The following EFCAB8 variants were observed in gnomAD, a reference collection of about 807,000 sequenced individuals.
The protein encoded by EFCAB8 is EF-hand calcium-binding domain-containing protein 8.
Under a neutral mutation model 116.3 loss-of-function variants are expected in EFCAB8, and 100 were observed. The observed-to-expected ratio is 0.86, with a 90% confidence interval of 0.73 to 1.02. EFCAB8 has a LOEUF of 1.02. Among genes scored for constraint, EFCAB8 ranks in the 50% least tolerant of loss-of-function variants. The pLI, the probability that EFCAB8 is intolerant of heterozygous loss-of-function variation, is 0.00. For synonymous variants in EFCAB8, 558 were observed against 567.9 expected (o/e 0.98, Z 0.25); for missense variants, 1,320 against 1,416.9 (o/e 0.93, Z 1.10).
chr20:32,918,697 A>G (rs993086708), intron 19 of EFCAB8, 123 bp downstream of exon 19: 23 of 948,682 alleles, frequency 2.4e-5, no homozygotes, highest in Middle Eastern at 3.2e-4. Context: ...AGGTCCCTCA[A>G]CTCACTTGTT....
intron 22 of EFCAB8, among the ~76,000 whole-genome samples, chr20:32,940,019 CCCTCCCTTCCTT>C (rs1343898010): frequency 4.0e-4 from 31 of 77,386 alleles, no homozygotes; most frequent in Non-Finnish European, 7.3e-4. Context: ...CTCCCTCCCT[CCCTCCCTTCCTT>C]CCTTCCTTCC....
rs1326749221 is a variant in EFCAB8, at chr20:32,887,808, G to A, written c.568-1493G>A. Among the ~76,000 whole-genome samples the A allele has an allele frequency of 4.6e-5, 7 of 152,198 alleles. No homozygotes were observed. The East Asian group carries it at 1.2e-3, about 25-fold the overall frequency. On this transcript the variant is annotated intron_variant, in intron 6 of 26. Coordinates refer to ENST00000400522, the MANE Select transcript of EFCAB8 (RefSeq NM_001143967.2). ...CACCAGTGCTGAGCTCCTACTGAGT[G>A]CTGGGCACCACCCTCAATGCTTCAA... is the stretch of plus-strand genomic sequence containing the variant.
intron 5 of EFCAB8, among the ~76,000 whole-genome samples, chr20:32,883,898 C>A (rs1675909384): frequency 6.6e-6 from 1 of 152,094 alleles, no homozygotes; most frequent in Non-Finnish European, 1.5e-5. Context: ...ACCACGTTGG[C>A]CGGGCTGGTC....
intron 20 of EFCAB8, among the ~76,000 whole-genome samples, chr20:32,929,650 G>T (rs140102524): frequency 6.6e-6 from 1 of 151,682 alleles, no homozygotes; most frequent in East Asian, 1.9e-4. Context: ...TTTGATAATC[G>T]AGATTTTTGT....
rs1984940343 is a variant in EFCAB8 at position 32,875,809 on chromosome 20, G to A, written c.209-117G>A. 17 of 862,556 alleles carry A rather than the reference G, an allele frequency of 2.0e-5. 1 individual carries two copies. The highest frequency in any genetic ancestry group is 2.4e-5 in the Admixed American group (1 of 41,676). The allele number at this position is 862,556 out of a possible 1,614,324, so 53.4% of individuals were successfully genotyped here. A position where few individuals can be genotyped will look rare whatever the true frequency, so the allele number is the denominator to read the frequency against. On this transcript the variant is annotated intron_variant, in intron 3 of 26. Coordinates refer to ENST00000400522, the MANE Select transcript of EFCAB8 (RefSeq NM_001143967.2). Reference sequence around the variant, plus strand: ...CAAGCATGAGCCACCGCGCCTGGCCGTAGATGTGGTCTTCAGTGTGTCCCC... The same window carrying A: ...CAAGCATGAGCCACCGCGCCTGGCCATAGATGTGGTCTTCAGTGTGTCCCC...
intron 20 of EFCAB8, among the ~76,000 whole-genome samples, chr20:32,927,592 G>A (rs571382475): frequency 6.6e-5 from 10 of 152,132 alleles, no homozygotes; most frequent in Admixed American, 5.9e-4. Flanking sequence ...TGATCCACCC[G>A]CCTTGGCTTC....
chr20:32,892,689 C>T (rs924279924), intron 8 of EFCAB8, among the ~76,000 whole-genome samples: 13 of 152,158 alleles, frequency 8.5e-5, no homozygotes, highest in African/African-American at 2.9e-4. Flanking sequence ...CAGTGATGGG[C>T]TGGACCTGGT....
intron 5 of EFCAB8, among the ~76,000 whole-genome samples, chr20:32,880,788 G>A (rs1985291461): frequency 6.6e-6 from 1 of 152,166 alleles, no homozygotes; most frequent in Admixed American, 6.5e-5. Context: ...GAAGCTCTCA[G>A]AACCCAGTCC....
chr20:32,899,919 T>A (rs1986348674), intron 11 of EFCAB8, among the ~76,000 whole-genome samples: 1 of 152,152 alleles, frequency 6.6e-6, no homozygotes. Context: ...CCGTTTACTG[T>A]GGATAAACTG....
chr20:32,957,124 T>C (rs1306525757), intron 23 of EFCAB8, among the ~76,000 whole-genome samples: 2 of 151,996 alleles, frequency 1.3e-5, no homozygotes, highest in African/African-American at 4.8e-5. Context: ...TTCTTTTCTA[T>C]AGATTGCAAT....
At position 32,900,859 on chromosome 20, in the gene EFCAB8, T is replaced by A. The variant is rs189778703; in HGVS notation, c.1088+2236T>A. On this transcript the variant is annotated intron_variant, in intron 11 of 26. Coordinates refer to ENST00000400522, the MANE Select transcript of EFCAB8 (RefSeq NM_001143967.2). ...CTGGGATTACAGGCGTGAGCCACCA[T>A]GCCCGGCTTAATTTTTGTATTTTTA... 4.6e-5 allele frequency among the ~76,000 whole-genome samples: 7 copies of A among 151,142 alleles called. No homozygotes were observed. In the East Asian group the frequency reaches 1.4e-3, roughly 29 times the overall value.
At chr20:32,958,330 A>C (rs897979422) in intron 23 of EFCAB8, 91 bp from the exon 24 acceptor site, 20 of 410,688 alleles carry the variant, frequency 4.9e-5, no homozygotes, top group Non-Finnish European at 8.5e-5. Context: ...AGGGGCTGCT[A>C]GCTGACCCTT....
At chr20:32,890,000 T>TAAAAA (rs35488921) in intron 7 of EFCAB8, among the ~76,000 whole-genome samples, 1 of 113,502 alleles carries the variant, frequency 8.8e-6, no homozygotes, top group Non-Finnish European at 1.8e-5. Context: ...GACTCAGTCT[T>TAAAAA]AAAAAAAAAA....
At chr20:32,932,135 T>G (rs1046734915) in intron 22 of EFCAB8, among the ~76,000 whole-genome samples, 1 of 152,138 alleles carries the variant, frequency 6.6e-6, no homozygotes, top group African/African-American at 2.4e-5. Context: ...TCCCAGCACT[T>G]TGGGAGGCCA....
intron 23 of EFCAB8, among the ~76,000 whole-genome samples, chr20:32,948,503 G>T (rs1988676290): frequency 8.3e-6 from 1 of 120,888 alleles, no homozygotes; most frequent in African/African-American, 3.3e-5. Context: ...ATCTGACAAA[G>T]ACGTTATAAG....
intron 1 of EFCAB8, among the ~76,000 whole-genome samples, chr20:32,860,978 G>A (rs1338096474): frequency 6.6e-6 from 1 of 151,822 alleles, no homozygotes; most frequent in Non-Finnish European, 1.5e-5. Context: ...GGGCTCAAGC[G>A]ATCTTCCCAC....
intron 18 of EFCAB8, among the ~76,000 whole-genome samples, chr20:32,917,972 G>T (rs1987265803): frequency 6.6e-6 from 1 of 152,234 alleles, no homozygotes; most frequent in Non-Finnish European, 1.5e-5. Context: ...AAATGTACTG[G>T]AGAGAGATGC....
intron 23 of EFCAB8, among the ~76,000 whole-genome samples, chr20:32,946,869 A>G (rs1187894963): frequency 6.6e-6 from 1 of 152,204 alleles, no homozygotes; most frequent in African/African-American, 2.4e-5. Context: ...CCAGATTATC[A>G]TAAATGGAAA....
chr20:32,885,577 T>C lies in EFCAB8; in HGVS notation c.504T>C (p.Thr168=). ...TCAAGAAGATCGGGTGTTTCCTGAC[T>C]GTCACCAAAGACGGGATCCTGCAGT... ...HRFKKIGCFL[T]VTKDGILQFW... Residue 168 remains threonine, a synonymous_variant, in exon 6 of 27, where the codon ACT becomes ACC. Coordinates refer to ENST00000400522, the MANE Select transcript of EFCAB8 (RefSeq NM_001143967.2). The C allele has an allele frequency of 6.4e-7, 1 of 1,551,766 alleles. No individual in the cohort carries two copies. The highest frequency in any genetic ancestry group is 1.4e-5 in the African/African-American group (1 of 73,190).
Sources: gnomAD v4.1 joint callset for allele counts (sites outside exome capture counted in the v4.1 genomes callset) on GRCh38, gnomAD v4.1.1 for gene constraint, MANE v1.5 for transcripts, NCBI Gene and HGNC (gene_info 2026-07-23, HGNC 2026-07-21) for gene names.